Variants in ATXN1 observed in about 807,000 individuals in gnomAD.
ATXN1 encodes the protein ataxin 1.
A neutral mutation model predicts 56.4 loss-of-function variants in ATXN1; 8 were observed. That is an observed-to-expected ratio of 0.14 (90% CI 0.08 to 0.26). The LOEUF is 0.26. ATXN1 is among the 10% of genes least tolerant of loss of function. The probability of loss-of-function intolerance (pLI) is 1.00; values close to 1 mark genes in which losing one functional copy is unlikely to be tolerated. For synonymous variants in ATXN1, 514 were observed against 494.6 expected (o/e 1.04, Z -0.52); for missense variants, 987 against 1,106.5 (o/e 0.89, Z 1.53).
chr6:16,704,035 T>C (rs6459483), intron 2 of ATXN1, among the ~76,000 whole-genome samples: 100,174 of 152,026 alleles, frequency 0.66, 32,997 homozygotes, highest in East Asian at 0.72. Flanking sequence ...AACAAAGCAA[T>C]AACAACAACG....
At position 16,303,141 on chromosome 6, in the gene ATXN1, C is replaced by G. The variant is rs1296126706; in HGVS notation, c.*3188G>C. The G allele has an allele frequency of 6.5e-6, 1 of 152,922 alleles. No individual in the cohort carries two copies. Among genetic ancestry groups the G allele is most frequent in the Admixed American group, 6.5e-5 (1 of 15,282 alleles). 9.5% of individuals were successfully genotyped at this position (152,922 alleles called of 1,614,324 possible). On this transcript the variant is annotated 3_prime_UTR_variant, in exon 8 of 8. Coordinates refer to ENST00000436367, the MANE Select transcript of ATXN1 (RefSeq NM_001128164.2). The surrounding 1 kb of genome is among the most constrained non-coding windows in gnomAD (Gnocchi z 4.3). Reference sequence around the variant, plus strand: ...GGGCTCCAAGTCTCAAGGACACAGACCCCGAGGAGGGGCCTGCCCACTTGC... The same window carrying G: ...GGGCTCCAAGTCTCAAGGACACAGAGCCCGAGGAGGGGCCTGCCCACTTGC...
At chr6:16,532,633 A>G (rs953416525) in intron 4 of ATXN1, among the ~76,000 whole-genome samples, 3 of 152,216 alleles carry the variant, frequency 2.0e-5, no homozygotes, top group Non-Finnish European at 4.4e-5. Flanking sequence ...ATCACTAATC[A>G]TTAGGAAAAT....
At chr6:16,435,839 C>T (rs1282395579) in intron 6 of ATXN1, among the ~76,000 whole-genome samples, 1 of 152,118 alleles carries the variant, frequency 6.6e-6, no homozygotes, top group Non-Finnish European at 1.5e-5. Context: ...GCTCAATTTT[C>T]TCACCTGTAA....
At chr6:16,323,823 C>A (rs531985836) in intron 7 of ATXN1, among the ~76,000 whole-genome samples, 1 of 152,158 alleles carries the variant, frequency 6.6e-6, no homozygotes, top group Non-Finnish European at 1.5e-5. Flanking sequence ...CAAGGTAGTT[C>A]ATTTTCTTTC....
chr6:16,507,673 T>C (rs576505179), intron 5 of ATXN1, among the ~76,000 whole-genome samples: 1 of 152,356 alleles, frequency 6.6e-6, no homozygotes, highest in Non-Finnish European at 1.5e-5. Context: ...TATTGGTCTC[T>C]TAAATAAAGT....
At chr6:16,442,679 G>A (rs1422407807) in intron 6 of ATXN1, among the ~76,000 whole-genome samples, 3 of 152,158 alleles carry the variant, frequency 2.0e-5, no homozygotes, top group African/African-American at 7.2e-5. Flanking sequence ...AAAGTTTGGG[G>A]GATAAGAAGG....
At chr6:16,610,812 C>T (rs1168669204) in intron 3 of ATXN1, among the ~76,000 whole-genome samples, 2 of 150,898 alleles carry the variant, frequency 1.3e-5, no homozygotes, top group Non-Finnish European at 2.9e-5. Flanking sequence ...TTGCTTGAGG[C>T]CAAGAGTTTA....
chr6:16,472,627 C>T lies in ATXN1; in HGVS notation c.-161+13345G>A, dbSNP rs1313478123. ...CCTATCACACACTTCTTTATCAGTCCTCCACATAATTGTTTAACTAAGACT... is the reference window on the plus strand; with the variant it reads ...CCTATCACACACTTCTTTATCAGTCTTCCACATAATTGTTTAACTAAGACT... On this transcript the variant is annotated intron_variant, in intron 6 of 7. Coordinates refer to ENST00000436367, the MANE Select transcript of ATXN1 (RefSeq NM_001128164.2). 2.0e-5 allele frequency among the ~76,000 whole-genome samples: 3 copies of T among 152,134 alleles called. No homozygotes were observed. In the East Asian group the frequency reaches 5.8e-4, roughly 29 times the overall value.
chr6:16,465,605 G>C (rs1357732645), intron 6 of ATXN1, among the ~76,000 whole-genome samples: 3 of 152,198 alleles, frequency 2.0e-5, no homozygotes, highest in Non-Finnish European at 4.4e-5. Flanking sequence ...GGCAAGGGCA[G>C]GGTCTGGGGT....
intron 4 of ATXN1, among the ~76,000 whole-genome samples, chr6:16,566,355 C>A (rs1052163900): frequency 6.6e-6 from 1 of 151,958 alleles, no homozygotes; most frequent in African/African-American, 2.4e-5. Context: ...GCTAAGAGAT[C>A]CCCTTAATTA....
At chr6:16,338,503 T>C (rs914843545) in intron 6 of ATXN1, among the ~76,000 whole-genome samples, 10 of 152,174 alleles carry the variant, frequency 6.6e-5, no homozygotes, top group Non-Finnish European at 1.5e-4. Context: ...AAAATAATAA[T>C]TTTAATTTTA....
intron 5 of ATXN1, among the ~76,000 whole-genome samples, chr6:16,501,795 G>A (rs555323474): frequency 9.9e-5 from 15 of 152,124 alleles, no homozygotes; most frequent in African/African-American, 3.6e-4. Context: ...GTGTGCATGT[G>A]TCTTTATAAC....
chr6:16,701,889 C>T (rs1272805202), intron 2 of ATXN1, among the ~76,000 whole-genome samples: 1 of 152,128 alleles, frequency 6.6e-6, no homozygotes, highest in East Asian at 1.9e-4. Flanking sequence ...GAAGCAATAT[C>T]GTCAAAATGG....
At chr6:16,409,830 C>T (rs1325067180) in intron 6 of ATXN1, among the ~76,000 whole-genome samples, 2 of 152,076 alleles carry the variant, frequency 1.3e-5, no homozygotes, top group Admixed American at 6.5e-5. Flanking sequence ...TTTTAAACAG[C>T]GAGTTCTAGA....
At chr6:16,546,567 T>C (rs929490580) in intron 4 of ATXN1, among the ~76,000 whole-genome samples, 1 of 152,234 alleles carries the variant, frequency 6.6e-6, no homozygotes, top group African/African-American at 2.4e-5. Flanking sequence ...AAATCCTGAA[T>C]TTTAATCTCA....
intron 2 of ATXN1, among the ~76,000 whole-genome samples, chr6:16,686,964 T>C (rs1462585081): frequency 6.6e-6 from 1 of 152,190 alleles, no homozygotes; most frequent in African/African-American, 2.4e-5. Context: ...ATCTAGTGTT[T>C]ACAATGACAC....
intron 4 of ATXN1, among the ~76,000 whole-genome samples, chr6:16,569,349 T>C (rs1156258866): frequency 6.6e-6 from 1 of 152,026 alleles, no homozygotes; most frequent in East Asian, 1.9e-4. Context: ...TGAAACCTCG[T>C]CTCTGCTAAA....
intron 6 of ATXN1, among the ~76,000 whole-genome samples, chr6:16,467,552 T>C (rs1760132394): frequency 6.6e-6 from 1 of 152,240 alleles, no homozygotes. Flanking sequence ...TGACAGTATT[T>C]TTAAAGACTC....
At chr6:16,374,138 C>CA (rs376857810) in intron 6 of ATXN1, among the ~76,000 whole-genome samples, 23,164 of 85,150 alleles carry the variant, frequency 0.27, 2,372 homozygotes, top group African/African-American at 0.34. Context: ...AGGATATGAG[C>CA]AAAAAAAAAA....
Sources: gnomAD v4.1 joint callset for allele counts (sites outside exome capture counted in the v4.1 genomes callset) on GRCh38, gnomAD v4.1.1 for gene constraint, Gnocchi (gnomAD v3.1) non-coding constraint, MANE v1.5 for transcripts, NCBI Gene and HGNC (gene_info 2026-07-23, HGNC 2026-07-21) for gene names.